Variants in MACROD1 observed in about 807,000 individuals in gnomAD.
MACROD1 encodes the protein ADP-ribose glycohydrolase MACROD1.
Under a neutral mutation model 41.4 loss-of-function variants are expected in MACROD1, and 31 were observed. That is an observed-to-expected ratio of 0.75 (90% CI 0.56 to 1.01). MACROD1 has a LOEUF of 1.01. Ranked by LOEUF, MACROD1 falls within the 50% of genes least tolerant of loss-of-function variation. The pLI, the probability that MACROD1 is intolerant of heterozygous loss-of-function variation, is 0.00. For missense variants in MACROD1, 473 were observed against 460.0 expected (o/e 1.03, Z -0.26); for synonymous variants, 252 against 203.4 (o/e 1.24, Z -2.03).
chr11:64,149,905 G>A (rs1371500528), intron 3 of MACROD1, among the ~76,000 whole-genome samples: 1 of 152,216 alleles, frequency 6.6e-6, no homozygotes, highest in Non-Finnish European at 1.5e-5. Context: ...GTCCTCAGAT[G>A]GACTAGCAGT....
chr11:64,050,607 G>A (rs183028989), intron 3 of MACROD1, among the ~76,000 whole-genome samples: 3 of 152,302 alleles, frequency 2.0e-5, no homozygotes, highest in Admixed American at 6.5e-5. Flanking sequence ...GCTGTCCAGC[G>A]GTGACCATGA....
intron 3 of MACROD1, among the ~76,000 whole-genome samples, chr11:64,059,176 G>A (rs1943849378): frequency 1.3e-5 from 2 of 152,184 alleles, no homozygotes; most frequent in Admixed American, 1.3e-4. Context: ...ACAGACTTGG[G>A]GAGCAGTAGG....
chr11:64,092,773 G>T (rs910511207), intron 3 of MACROD1, among the ~76,000 whole-genome samples: 1 of 152,204 alleles, frequency 6.6e-6, no homozygotes, highest in East Asian at 1.9e-4. Flanking sequence ...CTGAGTAAAC[G>T]GGTGCATGAA....
At chr11:64,159,004 T>G (rs1945711442) in intron 1 of MACROD1, among the ~76,000 whole-genome samples, 1 of 151,510 alleles carries the variant, frequency 6.6e-6, no homozygotes, top group African/African-American at 2.4e-5. Flanking sequence ...TGGCCAACAT[T>G]GCAAAACCCC....
rs1401785569 is a variant in MACROD1 at position 64,122,966 on chromosome 11, G to GC, written c.517+28272dup. ...AATGGCAGCTCAAGTCCCAAAGCCA[G>GC]CCCACTTCAGAAACCTGCTTCCTGC... is the stretch of plus-strand genomic sequence containing the variant. On this transcript the variant is annotated intron_variant, in intron 3 of 10. Coordinates refer to ENST00000255681, the MANE Select transcript of MACROD1 (RefSeq NM_014067.4). This position sits in a 1 kb window ranked among gnomAD's most constrained non-coding sequence, Gnocchi z 4.0. Among the ~76,000 whole-genome samples the GC allele has an allele frequency of 6.6e-6, 1 of 152,254 alleles. No homozygotes were observed. The highest frequency in any genetic ancestry group is 2.4e-5 in the African/African-American group (1 of 41,462).
At chr11:64,113,871 CATGGATGGATGGATGG>C (rs202172057) in intron 3 of MACROD1, among the ~76,000 whole-genome samples, 2 of 77,806 alleles carry the variant, frequency 2.6e-5, no homozygotes, top group East Asian at 3.3e-4. Context: ...TGGATTGATA[CATGGATGGATGGATGG>C]ATGGATGGAT....
At chr11:64,032,771 C>A (rs1027997243) in intron 3 of MACROD1, among the ~76,000 whole-genome samples, 1 of 152,168 alleles carries the variant, frequency 6.6e-6, no homozygotes, top group Non-Finnish European at 1.5e-5. Context: ...GGTTTGTTGA[C>A]TGAACAGTGA....
At chr11:64,101,295 C>A (rs1048668874) in intron 3 of MACROD1, among the ~76,000 whole-genome samples, 4 of 152,122 alleles carry the variant, frequency 2.6e-5, no homozygotes. Flanking sequence ...AGGAGCACTG[C>A]CTCTATCCTG....
At chr11:64,033,565 G>A (rs560561420) in intron 3 of MACROD1, among the ~76,000 whole-genome samples, 1 of 152,016 alleles carries the variant, frequency 6.6e-6, no homozygotes, top group Non-Finnish European at 1.5e-5. Flanking sequence ...TTTTTGCCGG[G>A]TGTGGTGGCT....
At chr11:64,006,771 A>AAGTG (rs1942920406) in intron 4 of MACROD1, among the ~76,000 whole-genome samples, 2 of 152,170 alleles carry the variant, frequency 1.3e-5, no homozygotes. Context: ...GTGGGGCGGG[A>AAGTG]AGTGAGGTTC....
chr11:64,104,496 G>A (rs890499979), intron 3 of MACROD1, among the ~76,000 whole-genome samples: 1 of 152,162 alleles, frequency 6.6e-6, no homozygotes, highest in African/African-American at 2.4e-5. Context: ...CCTGCAGCAG[G>A]GTGGAGGAAT....
intron 3 of MACROD1, among the ~76,000 whole-genome samples, chr11:64,048,840 G>C (rs1943635769): frequency 6.6e-6 from 1 of 152,204 alleles, no homozygotes; most frequent in South Asian, 2.1e-4. Context: ...CCCGAGGTGG[G>C]CCAGGCACCA....
Position 63,998,827 on chromosome 11 carries a change from G to GC in MACROD1, c.*30+10dup. Reference sequence around the variant, plus strand: ...GGCCGGGGCCGCCGCACGGGGCGAGGCCCTGCTTACCAGTCCCGGTCAGGG... The same window carrying GC: ...GGCCGGGGCCGCCGCACGGGGCGAGGCCCCTGCTTACCAGTCCCGGTCAGGG... On this transcript the variant is annotated intron_variant, in intron 10 of 10. Coordinates refer to ENST00000255681, the MANE Select transcript of MACROD1 (RefSeq NM_014067.4). 3 of 1,557,822 alleles carry GC rather than the reference G, an allele frequency of 1.9e-6. No individual in the cohort carries two copies. The highest frequency in any genetic ancestry group is 1.7e-6 in the Non-Finnish European group (2 of 1,156,038).
At chr11:64,145,339 C>T (rs1211055251) in intron 3 of MACROD1, among the ~76,000 whole-genome samples, 1 of 152,272 alleles carries the variant, frequency 6.6e-6, no homozygotes, top group East Asian at 1.9e-4. Context: ...GTCCCTGCGG[C>T]GTTGCGTGGC....
chr11:64,115,825 G>C (rs1408726264), intron 3 of MACROD1, among the ~76,000 whole-genome samples: 1 of 152,162 alleles, frequency 6.6e-6, no homozygotes, highest in Non-Finnish European at 1.5e-5. Flanking sequence ...ATATTGACTG[G>C]TACCTTTAGC....
intron 3 of MACROD1, among the ~76,000 whole-genome samples, chr11:64,061,053 A>G (rs1943893259): frequency 1.3e-5 from 2 of 152,066 alleles, no homozygotes; most frequent in Admixed American, 1.3e-4. Context: ...TCTTGATGGA[A>G]AGGGCTTGGC....
At chr11:64,127,394 GC>G (rs1365657628) in intron 3 of MACROD1, among the ~76,000 whole-genome samples, 1 of 148,716 alleles carries the variant, frequency 6.7e-6, no homozygotes, top group Non-Finnish European at 1.5e-5. Flanking sequence ...CCCGGGCCTT[GC>G]CCCCGAGGCT....
chr11:64,156,789 T>C (rs1258451537), intron 1 of MACROD1, among the ~76,000 whole-genome samples: 3 of 152,148 alleles, frequency 2.0e-5, no homozygotes, highest in Non-Finnish European at 2.9e-5. Context: ...GCGCCGACCT[T>C]GAGGACATCT....
At position 64,065,145 on chromosome 11, in the gene MACROD1, G is replaced by A. The variant is rs192707679; in HGVS notation, c.518-49864C>T. Among the ~76,000 whole-genome samples, 9 of 152,346 alleles carry A rather than the reference G, an allele frequency of 5.9e-5. No individual in the cohort carries two copies. In the East Asian group the frequency reaches 1.5e-3, roughly 26 times the overall value. On this transcript the variant is annotated intron_variant, in intron 3 of 10. Transcript: ENST00000255681. ...ACGGGCTACACGTGGGCCTGGAGGTGAGGTAGAAGTGGCCCAGGGAACGGG... is the reference window on the plus strand; with the variant it reads ...ACGGGCTACACGTGGGCCTGGAGGTAAGGTAGAAGTGGCCCAGGGAACGGG...
Sources: gnomAD v4.1 joint callset for allele counts (sites outside exome capture counted in the v4.1 genomes callset) on GRCh38, gnomAD v4.1.1 for gene constraint, Gnocchi (gnomAD v3.1) non-coding constraint, MANE v1.5 for transcripts, NCBI Gene and HGNC (gene_info 2026-07-23, HGNC 2026-07-21) for gene names.